Variants in SMN2 observed in about 807,000 individuals in gnomAD.
SMN2 encodes the protein survival of motor neuron 2, centromeric, also known as survival motor neuron protein.
SMN2 carries 1 observed loss-of-function variant against 2.8 expected under a neutral mutation model. The ratio of observed to expected loss-of-function variants is 0.35; its 90% CI spans 0.13 to 1.68. The LOEUF (loss-of-function observed/expected upper bound fraction) is 1.68. Among genes scored for constraint, SMN2 ranks in the 40% most tolerant of loss-of-function variants. SMN2 has a pLI of 0.35. For synonymous variants in SMN2, 5 were observed against 5.0 expected (o/e 0.99, Z 0.01); for missense variants, 12 against 16.9 (o/e 0.71, Z 0.51).
the SMN2 span, among the ~76,000 whole-genome samples, chr5:70,088,474 G>A: frequency 5.4e-5 from 3 of 55,666 alleles, no homozygotes; most frequent in Non-Finnish European, 8.3e-5. Context: ...GTCTTGCTCT[G>A]TCGCCCAGGC....
chr5:70,079,362 G>A (rs1774817964), downstream of SMN2, among the ~76,000 whole-genome samples: 1 of 145,850 alleles, frequency 6.9e-6, no homozygotes, highest in Non-Finnish European at 1.5e-5. Flanking sequence ...AACCCGGGAG[G>A]TGGAGGTTGT....
At chr5:70,052,881 CAAA>C (rs1319873489) in intron 1 of SMN2, among the ~76,000 whole-genome samples, 11 of 71,166 alleles carry the variant, frequency 1.5e-4, no homozygotes, top group Admixed American at 3.3e-4. Context: ...GACTCTGCCT[CAAA>C]AAAAAAAAAA....
At chr5:70,071,511 A>ATTTTTTTTTTT (rs1414136541) in intron 7 of SMN2, 1 of 118,226 alleles carries the variant, frequency 8.5e-6, no homozygotes, top group African/African-American at 3.6e-5. Flanking sequence ...ATTTTATTTT[A>ATTTTTTTTTTT]TTTTATTTTT....
chr5:70,082,532 A>T (rs1742045411), downstream of SMN2, among the ~76,000 whole-genome samples: 1 of 141,058 alleles, frequency 7.1e-6, no homozygotes, highest in Admixed American at 6.9e-5. Flanking sequence ...TTATTGCCAC[A>T]ATTTCAGAGC....
chr5:70,079,392 A>C (rs212211), downstream of SMN2, among the ~76,000 whole-genome samples: 3 of 137,242 alleles, frequency 2.2e-5, no homozygotes, highest in East Asian at 2.1e-4. Context: ...AGATTGTGCC[A>C]CTGTACTCAA....
the SMN2 span, among the ~76,000 whole-genome samples, chr5:70,084,626 ATAGT>A: frequency 2.2e-5 from 3 of 137,792 alleles, 1 homozygote; most frequent in South Asian, 6.7e-4. Context: ...TGTCAATTGA[ATAGT>A]TAAAAATGAT....
Position 70,077,306 on chromosome 5 carries a change from G to T in SMN2, c.*291G>T, listed in dbSNP as rs1183211252. On this transcript the variant is annotated 3_prime_UTR_variant, in exon 9 of 9. Coordinates refer to ENST00000380743, the MANE Select transcript of SMN2 (RefSeq NM_017411.4). ...GTGAGGCAGTTGAGAAAATTTGAAT[G>T]TGGATTAGATTTTGAATGATATTGG... 1 of 259,896 alleles carries T rather than the reference G, an allele frequency of 3.8e-6. No homozygotes were observed. Among genetic ancestry groups the T allele is most frequent in the Non-Finnish European group, 7.1e-6 (1 of 139,952 alleles). 16.1% of individuals were successfully genotyped at this position (259,896 alleles called of 1,614,324 possible). A position where few individuals can be genotyped will look rare whatever the true frequency, so the allele number is the denominator to read the frequency against.
At chr5:70,083,816 T>G in the SMN2 span, among the ~76,000 whole-genome samples, 28 of 115,436 alleles carry the variant, frequency 2.4e-4, no homozygotes, top group East Asian at 7.3e-4. Context: ...GTGGGGGGAG[T>G]GGGGAGGGAT....
At chr5:70,085,136 T>G in the SMN2 span, among the ~76,000 whole-genome samples, 2 of 129,568 alleles carry the variant, frequency 1.5e-5, 1 homozygote, top group East Asian at 4.4e-4. Context: ...CCAAGGTGCA[T>G]GCGGGCTGTG....
chr5:70,080,238 T>A (rs1485170613), downstream of SMN2, among the ~76,000 whole-genome samples: 1 of 134,738 alleles, frequency 7.4e-6, no homozygotes, highest in East Asian at 2.1e-4. Context: ...GGCTGAAGCA[T>A]GAGAATCACT....
At chr5:70,068,474 T>C (rs1774525987) in intron 5 of SMN2, among the ~76,000 whole-genome samples, 1 of 18,558 alleles carries the variant, frequency 5.4e-5, no homozygotes, top group Non-Finnish European at 7.8e-5. Context: ...CAAGTGATTC[T>C]CCTGCTTCAG....
At position 70,076,788 on chromosome 5, in the gene SMN2, T is replaced by C. The variant is rs2112493359; in HGVS notation, c.*3+214T>C. On this transcript the variant is annotated intron_variant, in intron 8 of 8. Transcript: ENST00000380743. ...GAATTCTCATACTTAACTGGTTGGT[T>C]GTGTGGAAGAAACATACTTTCACAA... 3 of 1,337,344 alleles carry C rather than the reference T, an allele frequency of 2.2e-6. No individual in the cohort carries two copies. The East Asian group carries it at 8.0e-5, about 35-fold the overall frequency. 82.8% of individuals were successfully genotyped at this position (1,337,344 alleles called of 1,614,324 possible).
the SMN2 span, among the ~76,000 whole-genome samples, chr5:70,088,424 CTTTTTTTTTTTTTTTTTTT>C: frequency 1.6e-4 from 6 of 36,632 alleles, no homozygotes; most frequent in Non-Finnish European, 2.5e-4. Context: ...AAGTTTCAAA[CTTTTTTTTTTTTTTTTTTT>C]TTTTTTTTTT....
At chr5:70,079,696 G>T (rs1454659527), downstream of SMN2, among the ~76,000 whole-genome samples, 1 of 135,654 alleles carries the variant, frequency 7.4e-6, no homozygotes, top group Non-Finnish European at 1.5e-5. Flanking sequence ...GGTTGAGGCT[G>T]TGTAATGAGC....
At chr5:70,084,916 G>A in the SMN2 span, among the ~76,000 whole-genome samples, 2 of 137,696 alleles carry the variant, frequency 1.5e-5, 1 homozygote, top group Admixed American at 1.4e-4. Context: ...CATACACAGA[G>A]GTGAAAAATT....
chr5:70,052,914 A>G (rs1774494956), intron 1 of SMN2, among the ~76,000 whole-genome samples: 1 of 128,182 alleles, frequency 7.8e-6, no homozygotes, highest in African/African-American at 2.8e-5. Context: ...GGGAGGATCA[A>G]TGTACTGCCA....
At chr5:70,079,511 T>C (rs1436017348), downstream of SMN2, among the ~76,000 whole-genome samples, 6 of 146,004 alleles carry the variant, frequency 4.1e-5, no homozygotes, top group African/African-American at 1.6e-4. Context: ...ATCCCAGCAT[T>C]TTGGGAGGAC....
intron 6 of SMN2, among the ~76,000 whole-genome samples, chr5:70,069,863 C>T (rs1363689073): frequency 6.5e-5 from 1 of 15,394 alleles, no homozygotes; most frequent in African/African-American, 3.3e-4. Flanking sequence ...CCACCACACC[C>T]GGCTAATTTT....
At chr5:70,083,752 T>G in the SMN2 span, among the ~76,000 whole-genome samples, 2 of 123,984 alleles carry the variant, frequency 1.6e-5, no homozygotes, top group Admixed American at 1.7e-4. Context: ...AATTGAACAA[T>G]GAGAACACAT....
Sources: allele counts gnomAD v4.1 joint callset (sites outside exome capture counted in the v4.1 genomes callset), GRCh38; gene constraint gnomAD v4.1.1; transcripts MANE v1.5; gene names NCBI Gene and HGNC (gene_info 2026-07-23, HGNC 2026-07-21).